Variants in LPIN1 observed in about 807,000 individuals in gnomAD.
LPIN1 encodes lipin 1, also known as phosphatidate phosphatase LPIN1.
LPIN1 carries 71 observed loss-of-function variants against 107.5 expected under a neutral mutation model. The ratio of observed to expected loss-of-function variants is 0.66; its 90% CI spans 0.55 to 0.80. LPIN1 has a LOEUF of 0.80. Among genes scored for constraint, LPIN1 ranks in the 30% least tolerant of loss-of-function variants. The pLI is 0.00. For missense variants in LPIN1, 1,043 were observed against 1,160.6 expected, an observed-to-expected ratio of 0.90 and a Z score of 1.47; for synonymous variants, 445 against 452.6, an observed-to-expected ratio of 0.98 and a Z score of 0.21.
rs568759434 is a variant in LPIN1, at chr2:11,706,863, C to T, written c.82-6893C>T. Among the ~76,000 whole-genome samples the T allele has an allele frequency of 2.0e-5, 3 of 152,190 alleles. No individual in the cohort carries two copies. In the South Asian group the frequency reaches 6.2e-4, roughly 32 times the overall value. ...GTAATCTGACAGGTTTTTGAGACCC[C>T]TAAAATGATGTGCAGGTTTCTGGGT... On this transcript the variant is annotated intron_variant, in intron 1 of 21. Transcript: ENST00000449576.
chr2:11,763,964 AGTGT>A (rs143711712), intron 1 of LPIN1, among the ~76,000 whole-genome samples: 7 of 134,068 alleles, frequency 5.2e-5, no homozygotes, highest in African/African-American at 1.5e-4. Flanking sequence ...CATATATTTT[AGTGT>A]GTGTGTGTGT....
At chr2:11,721,160 T>C (rs2148533522), upstream of LPIN1, among the ~76,000 whole-genome samples, 1 of 152,140 alleles carries the variant, frequency 6.6e-6, no homozygotes, top group African/African-American at 2.4e-5. Context: ...TCAGGTGAAT[T>C]CGCATTAATT....
chr2:11,802,809 A>G (rs1379493489), intron 14 of LPIN1, 98 bp from the exon 15 acceptor site: 1 of 1,413,690 alleles, frequency 7.1e-7, no homozygotes, highest in Non-Finnish European at 9.9e-7. Context: ...GACTCAGGAG[A>G]GACTGGATTG....
intron 1 of LPIN1, chr2:11,713,751 T>C (rs1469906341): frequency 6.7e-7 from 1 of 1,492,946 alleles, no homozygotes; most frequent in Non-Finnish European, 9.0e-7. Context: ...GTTTTTGTTT[T>C]TCAGATTCCA....
chr2:11,800,867 C>T (rs1429193190), intron 14 of LPIN1, among the ~76,000 whole-genome samples: 1 of 152,140 alleles, frequency 6.6e-6, no homozygotes, highest in Non-Finnish European at 1.5e-5. Context: ...TGTTTGAGCT[C>T]CTTGTATATA....
At chr2:11,796,764 T>A (rs1003287376) in intron 14 of LPIN1, among the ~76,000 whole-genome samples, 2 of 152,190 alleles carry the variant, frequency 1.3e-5, no homozygotes, top group African/African-American at 4.8e-5. Flanking sequence ...GTGTTGAGGA[T>A]GGAGCCCAGG....
At chr2:11,679,875 C>T (rs1053238604) in intron 1 of LPIN1, among the ~76,000 whole-genome samples, 8 of 152,352 alleles carry the variant, frequency 5.3e-5, no homozygotes, top group Admixed American at 4.6e-4. Context: ...TCTGAAGGGG[C>T]CTGGTGGCCT....
At chr2:11,719,738 C>CACTG (rs899986913), upstream of LPIN1, among the ~76,000 whole-genome samples, 1 of 151,364 alleles carries the variant, frequency 6.6e-6, no homozygotes, top group African/African-American at 2.4e-5. Flanking sequence ...CCTTAACAGT[C>CACTG]ACTGAGCTCT....
At chr2:11,752,874 A>G (rs1232253856) in intron 1 of LPIN1, among the ~76,000 whole-genome samples, 1 of 152,216 alleles carries the variant, frequency 6.6e-6, no homozygotes, top group Non-Finnish European at 1.5e-5. Flanking sequence ...TGAAGCCTGG[A>G]GATGGATTCT....
intron 1 of LPIN1, among the ~76,000 whole-genome samples, chr2:11,678,014 C>T (rs577944805): frequency 6.6e-6 from 1 of 152,232 alleles, no homozygotes; most frequent in Non-Finnish European, 1.5e-5. Context: ...ATTGCTTAAT[C>T]TTCAAAATGG....
chr2:11,755,450 A>T (rs1055612447), intron 1 of LPIN1, among the ~76,000 whole-genome samples: 3 of 152,148 alleles, frequency 2.0e-5, no homozygotes, highest in Non-Finnish European at 1.5e-5. Context: ...AGAAATGAGC[A>T]AGCCTCGTCC....
intron 1 of LPIN1, among the ~76,000 whole-genome samples, chr2:11,679,584 C>A (rs575713821): frequency 1.3e-5 from 2 of 152,310 alleles, no homozygotes; most frequent in Non-Finnish European, 2.9e-5. Context: ...CCTTGTATTC[C>A]ATCGCTCTTC....
At chr2:11,706,382 G>C (rs1333906152) in intron 1 of LPIN1, among the ~76,000 whole-genome samples, 1 of 152,140 alleles carries the variant, frequency 6.6e-6, no homozygotes, top group Admixed American at 6.5e-5. Context: ...AATTACATTG[G>C]GTGGTAAAGG....
At chr2:11,711,436 T>C (rs1003160136) in intron 1 of LPIN1, among the ~76,000 whole-genome samples, 2 of 152,228 alleles carry the variant, frequency 1.3e-5, no homozygotes, top group African/African-American at 2.4e-5. Context: ...GATACAATCC[T>C]ATAACACACA....
chr2:11,769,030 T>C (rs181537393), intron 3 of LPIN1, among the ~76,000 whole-genome samples: 2 of 152,370 alleles, frequency 1.3e-5, no homozygotes, highest in Non-Finnish European at 2.9e-5. Context: ...GCTGTGAACA[T>C]TTGTATACAA....
chr2:11,740,534 A>G (rs2148557112), intron 1 of LPIN1, among the ~76,000 whole-genome samples: 1 of 151,962 alleles, frequency 6.6e-6, no homozygotes, highest in South Asian at 2.1e-4. Context: ...AAATACAAAA[A>G]TTAGCTGGGT....
chr2:11,752,432 C>CTTTTTTT (rs1354955148), intron 1 of LPIN1, among the ~76,000 whole-genome samples: 4 of 82,666 alleles, frequency 4.8e-5, no homozygotes, highest in African/African-American at 3.2e-4. Flanking sequence ...GTTCCAAGGC[C>CTTTTTTT]ATTTTTTTTT....
chr2:11,795,172 T>G (rs1011082170), intron 13 of LPIN1, among the ~76,000 whole-genome samples: 10 of 152,182 alleles, frequency 6.6e-5, no homozygotes, highest in African/African-American at 2.4e-4. Context: ...GATAACAGAT[T>G]CGTTTCTGTC....
chr2:11,785,196 C>A (rs924826924), intron 10 of LPIN1, 120 bp downstream of exon 10: 11 of 738,332 alleles, frequency 1.5e-5, no homozygotes, highest in African/African-American at 1.1e-4. Flanking sequence ...TTAATGATAG[C>A]ACAGATGATA....
Sources: allele counts gnomAD v4.1 joint callset (sites outside exome capture counted in the v4.1 genomes callset), GRCh38; gene constraint gnomAD v4.1.1; transcripts MANE v1.5; gene names NCBI Gene and HGNC (gene_info 2026-07-23, HGNC 2026-07-21).